The following ALK variants were observed in gnomAD, a reference collection of about 807,000 sequenced individuals.
ALK encodes the protein ALK tyrosine kinase receptor.
In ALK, 74 loss-of-function variants were observed where a neutral mutation model predicts 163.1. The observed-to-expected ratio is 0.45, with a 90% CI of 0.38 to 0.55. The LOEUF is 0.55. Ranked by LOEUF, ALK falls within the 20% of genes least tolerant of loss-of-function variation. The probability of loss-of-function intolerance (pLI) is 0.00; values close to 1 mark genes in which losing one functional copy is unlikely to be tolerated. For synonymous variants in ALK, 960 were observed against 843.2 expected (o/e 1.14, Z -2.40); for missense variants, 2,063 against 2,105.3 (o/e 0.98, Z 0.39).
intron 1 of ALK, among the ~76,000 whole-genome samples, chr2:29,721,497 G>A (rs1679421820): frequency 1.3e-5 from 2 of 152,138 alleles, no homozygotes; most frequent in African/African-American, 4.8e-5. Flanking sequence ...AATACAACTA[G>A]TTCAAACTTC....
At chr2:29,822,174 G>C (rs1049345583) in intron 1 of ALK, among the ~76,000 whole-genome samples, 2 of 152,194 alleles carry the variant, frequency 1.3e-5, no homozygotes, top group African/African-American at 4.8e-5. Flanking sequence ...GCAGAGGGAG[G>C]AGTCAAAGGA....
chr2:29,528,251 C>T (rs771143695), intron 4 of ALK, among the ~76,000 whole-genome samples: 37 of 152,096 alleles, frequency 2.4e-4, no homozygotes, highest in Non-Finnish European at 4.3e-4. Flanking sequence ...AAACAAGACA[C>T]GAGGTGGCCT....
chr2:29,745,604 A>G (rs892151665), intron 1 of ALK, among the ~76,000 whole-genome samples: 1 of 152,160 alleles, frequency 6.6e-6, no homozygotes, highest in African/African-American at 2.4e-5. Context: ...GCCTGACACA[A>G]TCTTTTTCAT....
chr2:29,203,329 C>G (rs1276060602), intron 26 of ALK, among the ~76,000 whole-genome samples: 2 of 151,838 alleles, frequency 1.3e-5, no homozygotes, highest in Non-Finnish European at 2.9e-5. Flanking sequence ...GTTTTTCATT[C>G]TTGCATTGTC....
At chr2:29,421,351 C>T (rs1670011826) in intron 4 of ALK, among the ~76,000 whole-genome samples, 1 of 151,472 alleles carries the variant, frequency 6.6e-6, no homozygotes, top group South Asian at 2.1e-4. Context: ...AGTCTTGGTA[C>T]TCATTTCAGC....
At chr2:29,553,335 C>T (rs936961537) in intron 3 of ALK, among the ~76,000 whole-genome samples, 2 of 152,192 alleles carry the variant, frequency 1.3e-5, no homozygotes, top group South Asian at 2.1e-4. Flanking sequence ...CAGACACTAA[C>T]GGTCTCAGTG....
chr2:29,264,464 C>T (rs1010698907), intron 11 of ALK, among the ~76,000 whole-genome samples: 12 of 152,232 alleles, frequency 7.9e-5, no homozygotes, highest in African/African-American at 2.4e-4. Context: ...ACTATTTTCA[C>T]GGCATATCAC....
chr2:29,519,257 G>A (rs1672750414), intron 4 of ALK, among the ~76,000 whole-genome samples: 1 of 152,226 alleles, frequency 6.6e-6, no homozygotes, highest in Non-Finnish European at 1.5e-5. Context: ...GCAAGTCAAA[G>A]CCAGATGGGC....
intron 5 of ALK, among the ~76,000 whole-genome samples, chr2:29,378,704 C>T (rs1460830579): frequency 6.6e-6 from 1 of 151,794 alleles, no homozygotes; most frequent in African/African-American, 2.4e-5. Flanking sequence ...TGATCCTCCC[C>T]TCCCCTCCCC....
Position 29,532,030 on chromosome 2 carries a change from G to T in ALK, c.1039C>A (p.Leu347Met). Residue 347 changes from leucine to methionine, a missense_variant, in exon 4 of 29, where the codon CTG becomes ATG. Coordinates refer to ENST00000389048, the MANE Select transcript of ALK (RefSeq NM_004304.5). ...WMRSSSEHCTLAVSVHRHLQP... is the reference protein window; with the variant it reads ...WMRSSSEHCTMAVSVHRHLQP... ...AGGTGCCTGTGCACCGAGACGGCCA[G>T]TGTGCAGTGCTCACTGCTGCTCCTC... 6.2e-7 allele frequency: 1 copy of T among 1,614,172 alleles called. No homozygotes were observed. The highest frequency in any genetic ancestry group is 8.5e-7 in the Non-Finnish European group (1 of 1,180,014).
chr2:29,477,242 C>A (rs752275927), intron 4 of ALK, among the ~76,000 whole-genome samples: 2 of 152,098 alleles, frequency 1.3e-5, no homozygotes. Context: ...ATGGCCAGTA[C>A]CCCCTCATCC....
At position 29,598,017 on chromosome 2, in the gene ALK, A is replaced by G. The variant is rs552104883; in HGVS notation, c.953-65901T>C. Among the ~76,000 whole-genome samples the G allele has an allele frequency of 2.0e-5, 3 of 152,320 alleles. No individual in the cohort carries two copies. In the South Asian group the frequency reaches 6.2e-4, roughly 32 times the overall value. ...CTCCTCACTTTGTGGAGGGGAAAACAGAGGTTCAGAGAGTACTGTTATTTT... is the reference window on the plus strand; with the variant it reads ...CTCCTCACTTTGTGGAGGGGAAAACGGAGGTTCAGAGAGTACTGTTATTTT... On this transcript the variant is annotated intron_variant, in intron 3 of 28. Coordinates refer to ENST00000389048, the MANE Select transcript of ALK (RefSeq NM_004304.5).
chr2:29,506,029 C>T (rs1021340442), intron 4 of ALK, among the ~76,000 whole-genome samples: 1 of 152,142 alleles, frequency 6.6e-6, no homozygotes, highest in Non-Finnish European at 1.5e-5. Context: ...TTCTGAGAGG[C>T]ATCTCACCTC....
intron 11 of ALK, 110 bp downstream of exon 11, chr2:29,274,989 A>G: frequency 7.1e-7 from 1 of 1,415,632 alleles, no homozygotes; most frequent in South Asian, 1.2e-5. Flanking sequence ...CCTTCTAAAG[A>G]CTGTTTCATT....
At chr2:29,679,848 C>T (rs1229667550) in intron 3 of ALK, among the ~76,000 whole-genome samples, 2 of 152,002 alleles carry the variant, frequency 1.3e-5, no homozygotes, top group African/African-American at 2.4e-5. Flanking sequence ...GCCTGAAACA[C>T]TTCCTTAGTA....
chr2:29,820,016 T>A (rs189345970), intron 1 of ALK, among the ~76,000 whole-genome samples: 9 of 152,326 alleles, frequency 5.9e-5, no homozygotes, highest in Non-Finnish European at 1.3e-4. Context: ...CGTGATGGTT[T>A]TTAAATACAT....
chr2:29,691,489 C>T (rs1312789923), intron 3 of ALK, among the ~76,000 whole-genome samples: 2 of 152,138 alleles, frequency 1.3e-5, no homozygotes, highest in Admixed American at 1.3e-4. Flanking sequence ...ACAGTGATGA[C>T]TTTTCAGAGC....
intron 3 of ALK, among the ~76,000 whole-genome samples, chr2:29,590,242 GC>G (rs1174337242): frequency 4.6e-5 from 7 of 152,160 alleles, no homozygotes; most frequent in African/African-American, 1.2e-4. Flanking sequence ...GTTATTGGTA[GC>G]TTTATTATAT....
chr2:29,556,339 C>A lies in ALK; in HGVS notation c.953-24223G>T, dbSNP rs1205912195. On this transcript the variant is annotated intron_variant, in intron 3 of 28. Coordinates refer to ENST00000389048, the MANE Select transcript of ALK (RefSeq NM_004304.5). The stretch of plus-strand genomic sequence containing the variant: ...CTATGGAGAAGTCTCACGGAGGAAA[C>A]CCATGTAAAATGCTTAGCACACTGT... Among the ~76,000 whole-genome samples the A allele has an allele frequency of 3.3e-5, 5 of 152,258 alleles. No individual in the cohort carries two copies. The East Asian group carries it at 7.7e-4, about 23-fold the overall frequency.
Sources: allele counts gnomAD v4.1 joint callset (sites outside exome capture counted in the v4.1 genomes callset), GRCh38; gene constraint gnomAD v4.1.1; transcripts MANE v1.5; gene names NCBI Gene and HGNC (gene_info 2026-07-23, HGNC 2026-07-21).